Variants in KNOP1 observed in about 807,000 individuals in gnomAD.
The protein encoded by KNOP1 is lysine rich nucleolar protein 1.
Under a neutral mutation model 30.6 loss-of-function variants are expected in KNOP1, and 20 were observed. That is an observed-to-expected ratio of 0.65 (90% CI 0.46 to 0.95). The LOEUF (loss-of-function observed/expected upper bound fraction) is 0.95. KNOP1 is among the 40% of genes least tolerant of loss of function. The probability of loss-of-function intolerance (pLI) is 0.00; values close to 1 mark genes in which losing one functional copy is unlikely to be tolerated. For synonymous variants in KNOP1, 204 were observed against 210.0 expected, an observed-to-expected ratio of 0.97 and a Z score of 0.25; for missense variants, 540 against 562.0, an observed-to-expected ratio of 0.96 and a Z score of 0.40.
chr16:19,716,892 G>A (rs1161661139), intron 1 of KNOP1, among the ~76,000 whole-genome samples: 1 of 152,228 alleles, frequency 6.6e-6, no homozygotes, highest in East Asian at 1.9e-4. Context: ...GCCCAGGCTG[G>A]AGTGCAGTGG....
chr16:19,710,677 A>G (rs993514416), intron 3 of KNOP1, 91 bp from the exon 4 acceptor site: 14 of 1,017,248 alleles, frequency 1.4e-5, no homozygotes, highest in Non-Finnish European at 2.0e-5. Context: ...GGGGGAACGG[A>G]ACGTGGGAGG....
At chr16:19,716,933 C>G (rs1441651180) in intron 1 of KNOP1, among the ~76,000 whole-genome samples, 1 of 152,222 alleles carries the variant, frequency 6.6e-6, no homozygotes, top group Non-Finnish European at 1.5e-5. Flanking sequence ...ACCTCCACCT[C>G]CCGGGTTCAA....
Position 19,714,566 on chromosome 16 carries a change from CCCT to C in KNOP1, c.467_469del (p.Lys156_Gly157delinsArg). The stretch of plus-strand genomic sequence containing the variant: ...CGAGAAGGCTGTGGGGTCCTGGGCC[CCCT>C]TTTTTTCCTTCTTGTGTTTTTTGAG... On this transcript the variant is annotated inframe_deletion, in exon 2 of 5. Transcript: ENST00000219837. 7 of 1,614,110 alleles carry C rather than the reference CCCT, an allele frequency of 4.3e-6. No homozygotes were observed.
rs759355259 is a variant in KNOP1 at position 19,714,375 on chromosome 16, C to T, written c.661G>A (p.Glu221Lys). The change falls in exon 2 of 5, where the codon GAG (glutamate) becomes AAG (lysine). Residue 221 changes from glutamate to lysine, a missense_variant. By Grantham distance (56) the Glu-to-Lys change is moderately conservative. Coordinates refer to ENST00000219837, the MANE Select transcript of KNOP1 (RefSeq NM_001012991.3). ...KVKKKKKIHQ[E>K]GDALPGHSKP... Reference sequence around the variant, plus strand: ...GAGTGGCCTGGGAGGGCATCTCCCTCCTGGTGGATTTTTTTTTTCTTCTTC... The same window carrying T: ...GAGTGGCCTGGGAGGGCATCTCCCTTCTGGTGGATTTTTTTTTTCTTCTTC... 1.2e-6 allele frequency: 2 copies of T among 1,613,992 alleles called. No homozygotes were observed. The highest frequency in any genetic ancestry group is 4.5e-5 in the East Asian group (2 of 44,870).
rs141309740 is a variant in KNOP1 at position 19,710,460 on chromosome 16, G to C, written c.1065+49C>G. On this transcript the variant is annotated intron_variant, in intron 4 of 4. Coordinates refer to ENST00000219837, the MANE Select transcript of KNOP1 (RefSeq NM_001012991.3). ...CATGCTGGAGGCGAGGGGAAGCGTC[G>C]GGAGGCCGAGCGTGCCACCTCCTCG... is the stretch of plus-strand genomic sequence containing the variant. 1.9e-6 allele frequency: 3 copies of C among 1,583,472 alleles called. No individual in the cohort carries two copies. The African/African-American group carries it at 4.0e-5, about 21-fold the overall frequency.
chr16:19,712,697 T>C (rs1976781508), intron 2 of KNOP1, among the ~76,000 whole-genome samples: 1 of 152,168 alleles, frequency 6.6e-6, no homozygotes, highest in South Asian at 2.1e-4. Context: ...AGTCTGGGCA[T>C]ACAGTAAACA....
intron 3 of KNOP1, 82 bp from the exon 4 acceptor site, chr16:19,710,668 G>T: frequency 8.5e-7 from 1 of 1,172,482 alleles, no homozygotes; most frequent in Non-Finnish European, 1.3e-6. Flanking sequence ...GACGGGGCTG[G>T]GGGAACGGAA....
At position 19,714,895 on chromosome 16, in the gene KNOP1, T is replaced by A; in HGVS notation, c.141A>T (p.Thr47=). The part of the protein sequence containing the change: ...YFADVSPLRA[T]SPSKSVAHGQ... ...CATGGGCCACACTCTTAGAGGGGGATGTAGCTCTTAAAGGAGAAACATCAG... is the reference window on the plus strand; with the variant it reads ...CATGGGCCACACTCTTAGAGGGGGAAGTAGCTCTTAAAGGAGAAACATCAG... Residue 47 remains threonine, a synonymous_variant, in exon 2 of 5, where the codon ACA becomes ACT. Coordinates refer to ENST00000219837, the MANE Select transcript of KNOP1 (RefSeq NM_001012991.3). 1 of 1,613,988 alleles carries A rather than the reference T, an allele frequency of 6.2e-7. No individual in the cohort carries two copies. Among genetic ancestry groups the A allele is most frequent in the Non-Finnish European group, 8.5e-7 (1 of 1,179,980 alleles).
intron 4 of KNOP1, 28 bp from the exon 5 acceptor site, chr16:19,707,249 T>C: frequency 6.3e-7 from 1 of 1,592,824 alleles, no homozygotes; most frequent in Non-Finnish European, 8.5e-7. Flanking sequence ...AGGTGGCTAT[T>C]TTCCTTGAGT....
At chr16:19,713,476 T>C (rs1037299511) in intron 2 of KNOP1, among the ~76,000 whole-genome samples, 1 of 152,126 alleles carries the variant, frequency 6.6e-6, no homozygotes, top group Non-Finnish European at 1.5e-5. Context: ...TGTCATAGAT[T>C]TACAGGGGCC....
Position 19,704,076 on chromosome 16 carries a change from G to A in KNOP1, c.*2834C>T, listed in dbSNP as rs1976265067. 1 of 152,166 alleles carries A rather than the reference G, an allele frequency of 6.6e-6. No individual in the cohort carries two copies. Among genetic ancestry groups the A allele is most frequent in the African/African-American group, 2.4e-5 (1 of 41,386 alleles). 9.4% of individuals were successfully genotyped at this position (152,166 alleles called of 1,614,324 possible). ...GATCACCTCTCCACAATCACCCAAA[G>A]ACAGTTTTTTTTTGTTTGTTTTTGA... On this transcript the variant is annotated 3_prime_UTR_variant, in exon 5 of 5. Transcript: ENST00000219837.
At chr16:19,710,666 TG>T in intron 3 of KNOP1, 80 bp from the exon 4 acceptor site, 1 of 1,189,882 alleles carries the variant, frequency 8.4e-7, no homozygotes, top group Non-Finnish European at 1.2e-6. Flanking sequence ...GAGACGGGGC[TG>T]GGGGAACGGA....
Position 19,706,699 on chromosome 16 carries a change from C to A in KNOP1, c.*211G>T. 1.7e-6 allele frequency: 1 copy of A among 585,498 alleles called. No homozygotes were observed. The highest frequency in any genetic ancestry group is 3.0e-6 in the Non-Finnish European group (1 of 335,014). The allele number at this position is 585,498 out of a possible 1,614,324, so 36.3% of individuals were successfully genotyped here. A position where few individuals can be genotyped will look rare whatever the true frequency, so the allele number is the denominator to read the frequency against. On this transcript the variant is annotated 3_prime_UTR_variant, in exon 5 of 5. Coordinates refer to ENST00000219837, the MANE Select transcript of KNOP1 (RefSeq NM_001012991.3). ...TCCACAGGTGTTCAATGTGAGCCAACTGTCAGATGGCTTTCATTTGCACAA... is the reference window on the plus strand; with the variant it reads ...TCCACAGGTGTTCAATGTGAGCCAAATGTCAGATGGCTTTCATTTGCACAA...
intron 2 of KNOP1, chr16:19,712,000 C>G (rs1030774547): frequency 6.4e-6 from 1 of 155,846 alleles, no homozygotes; most frequent in Non-Finnish European, 1.4e-5. Flanking sequence ...CCTAGCGTCA[C>G]GTGTGTGATG....
chr16:19,711,445 A>G lies in KNOP1; in HGVS notation c.919-5T>C, dbSNP rs773581149. The G allele has an allele frequency of 1.2e-6, 2 of 1,614,052 alleles. No individual in the cohort carries two copies. Among genetic ancestry groups the G allele is most frequent in the East Asian group, 2.2e-5 (1 of 44,878 alleles). On this transcript the variant is annotated splice_region_variant and splice_polypyrimidine_tract_variant and intron_variant, in intron 2 of 4. Coordinates refer to ENST00000219837, the MANE Select transcript of KNOP1 (RefSeq NM_001012991.3). ...CTCTAAGTCCGTGTCTGTTTCCTGC[A>G]GGAGAGGGCAGAGCTGGCTAAGGTT...
chr16:19,706,924 T>G lies in KNOP1; in HGVS notation c.1363A>C (p.Lys455Gln). 6.2e-7 allele frequency: 1 copy of G among 1,612,516 alleles called. No homozygotes were observed. The highest frequency in any genetic ancestry group is 8.5e-7 in the Non-Finnish European group (1 of 1,179,972). Residue 455 changes from lysine to glutamine, a missense_variant, in exon 5 of 5, where the codon AAG (lysine) becomes CAG (glutamine). By Grantham distance (53) the Lys-to-Gln change is moderately conservative. Coordinates refer to ENST00000219837, the MANE Select transcript of KNOP1 (RefSeq NM_001012991.3). ...YIDRNASKSVKLED is the reference protein window; with the variant it reads ...YIDRNASKSVQLED Reference sequence around the variant, plus strand: ...AACTCTAGAGTTTAATCTTCCAGCTTGACTGACTTGGAAGCGTTCCTGTCA... The same window carrying G: ...AACTCTAGAGTTTAATCTTCCAGCTGGACTGACTTGGAAGCGTTCCTGTCA...
At chr16:19,708,016 ACACCTCCCC>A (rs1177108683) in intron 4 of KNOP1, among the ~76,000 whole-genome samples, 1 of 133,208 alleles carries the variant, frequency 7.5e-6, no homozygotes, top group South Asian at 2.5e-4. Context: ...ACAAGACAGC[ACACCTCCCC>A]CACCTCCCCA....
At chr16:19,713,005 G>C (rs888861615) in intron 2 of KNOP1, among the ~76,000 whole-genome samples, 11 of 152,108 alleles carry the variant, frequency 7.2e-5, no homozygotes, top group Admixed American at 4.6e-4. Flanking sequence ...CTTCCCTCCT[G>C]GTAACAGAAC....
rs774001685 is a variant in KNOP1, at chr16:19,707,028, T to C, written c.1259A>G (p.Tyr420Cys). 11 of 1,614,032 alleles carry C rather than the reference T, an allele frequency of 6.8e-6. No homozygotes were observed. The highest frequency in any genetic ancestry group is 4.4e-5 in the South Asian group (4 of 91,086). ...GTACTTCCAGCTCATGGCCCGGTCG[T>C]AGTCCCGCTGCAGATTCTGCTGCAG... ...DSLQQNLQRD[Y>C]DRAMSWKYSR... The change falls in exon 5 of 5, where the codon TAC (tyrosine) becomes TGC (cysteine). Residue 420 changes from tyrosine (Y) to cysteine (C), a missense_variant. Physicochemically the swap from Tyr to Cys is radical, Grantham distance 194. Transcript: ENST00000219837.
Sources: allele counts gnomAD v4.1 joint callset (sites outside exome capture counted in the v4.1 genomes callset), GRCh38; gene constraint gnomAD v4.1.1; transcripts MANE v1.5; gene names NCBI Gene and HGNC (gene_info 2026-07-23, HGNC 2026-07-21).